CHSY3: variants seen among roughly 807,000 people sequenced by gnomAD.
The protein encoded by CHSY3 is N-acetylgalactosaminyl-proteoglycan 3-beta-glucuronosyltransferase 3.
Under a neutral mutation model 67.2 loss-of-function variants are expected in CHSY3, and 35 were observed. That is an observed-to-expected ratio of 0.52 (90% CI 0.40 to 0.69). The LOEUF is 0.69. Among genes scored for constraint, CHSY3 ranks in the 30% least tolerant of loss-of-function variants. The pLI, the probability that CHSY3 is intolerant of heterozygous loss-of-function variation, is 0.00. For missense variants in CHSY3, 1,069 were observed against 1,138.5 expected, an observed-to-expected ratio of 0.94 and a Z score of 0.88; for synonymous variants, 474 against 434.7, an observed-to-expected ratio of 1.09 and a Z score of -1.12.
chr5:129,932,103 CATATATATATATATATATAT>C (rs33960181), intron 2 of CHSY3, among the ~76,000 whole-genome samples: 47 of 114,890 alleles, frequency 4.1e-4, no homozygotes, highest in African/African-American at 7.2e-4. Flanking sequence ...ACCATAAAAC[CATATATATATATATATATAT>C]ATATATATAT....
chr5:129,919,795 A>G (rs1303592121), intron 2 of CHSY3, among the ~76,000 whole-genome samples: 1 of 152,232 alleles, frequency 6.6e-6, no homozygotes, highest in African/African-American at 2.4e-5. Context: ...GTATAACTAT[A>G]ATAAAACATT....
intron 2 of CHSY3, among the ~76,000 whole-genome samples, chr5:130,099,638 A>G (rs1240880254): frequency 1.3e-5 from 2 of 152,174 alleles, no homozygotes; most frequent in East Asian, 3.9e-4. Flanking sequence ...TCATCTTTTC[A>G]TTTATTTTGC....
intron 2 of CHSY3, among the ~76,000 whole-genome samples, chr5:130,179,139 T>C (rs1367634282): frequency 6.6e-6 from 1 of 152,240 alleles, no homozygotes; most frequent in Non-Finnish European, 1.5e-5. Context: ...GAAATTACTG[T>C]TAAATCTACC....
intron 2 of CHSY3, among the ~76,000 whole-genome samples, chr5:130,063,428 C>T (rs78264454): frequency 4.6e-5 from 7 of 152,164 alleles, no homozygotes; most frequent in Non-Finnish European, 5.9e-5. Flanking sequence ...TCTGATTTTT[C>T]GTTGTTGTGA....
At chr5:130,080,921 T>C (rs1253723638) in intron 2 of CHSY3, among the ~76,000 whole-genome samples, 3 of 152,056 alleles carry the variant, frequency 2.0e-5, no homozygotes, top group Admixed American at 2.0e-4. Flanking sequence ...GAGAAAATTA[T>C]AGAGTGATTA....
At chr5:129,974,557 A>G (rs1240482636) in intron 2 of CHSY3, among the ~76,000 whole-genome samples, 2 of 152,234 alleles carry the variant, frequency 1.3e-5, no homozygotes, top group East Asian at 3.9e-4. Flanking sequence ...AAAAGCCCCT[A>G]TGTACTTATA....
chr5:130,151,710 T>TA (rs1561560654), intron 2 of CHSY3, among the ~76,000 whole-genome samples: 1 of 152,094 alleles, frequency 6.6e-6, no homozygotes, highest in African/African-American at 2.4e-5. Context: ...AAGCCCCTTA[T>TA]AAAACTACCA....
At chr5:130,131,250 A>G (rs1433728882) in intron 2 of CHSY3, among the ~76,000 whole-genome samples, 2 of 151,750 alleles carry the variant, frequency 1.3e-5, no homozygotes, top group Admixed American at 6.6e-5. Context: ...CACTTTTCAC[A>G]CTCAATTTCC....
intron 2 of CHSY3, among the ~76,000 whole-genome samples, chr5:130,074,671 G>T (rs1045489346): frequency 9.2e-5 from 14 of 152,100 alleles, no homozygotes; most frequent in Non-Finnish European, 4.4e-5. Flanking sequence ...TACACAAAAT[G>T]CTCTTGAGAG....
At chr5:130,139,988 C>A (rs1259459552) in intron 2 of CHSY3, 1 of 152,716 alleles carries the variant, frequency 6.5e-6, no homozygotes, top group African/African-American at 2.4e-5. Context: ...TTTTGGGATT[C>A]CTGTGTCTTC....
At chr5:130,070,276 C>T (rs927641332) in intron 2 of CHSY3, among the ~76,000 whole-genome samples, 2 of 152,018 alleles carry the variant, frequency 1.3e-5, no homozygotes, top group Non-Finnish European at 2.9e-5. Context: ...TATTCATTGT[C>T]ATAAAATGTT....
chr5:130,079,429 A>C (rs148960661), intron 2 of CHSY3, among the ~76,000 whole-genome samples: 9 of 152,290 alleles, frequency 5.9e-5, no homozygotes, highest in African/African-American at 2.2e-4. Flanking sequence ...ACATTGGGAT[A>C]AACTTCAGGA....
chr5:129,904,348 G>C (rs964534877), upstream of CHSY3: 1 of 154,964 alleles, frequency 6.5e-6, no homozygotes, highest in African/African-American at 2.4e-5. Flanking sequence ...GGCTGGCAGC[G>C]GTGCCGCCTG....
intron 2 of CHSY3, among the ~76,000 whole-genome samples, chr5:130,029,744 TA>T (rs1204395935): frequency 6.6e-6 from 1 of 152,106 alleles, no homozygotes; most frequent in African/African-American, 2.4e-5. Context: ...TTCAGTAACA[TA>T]ATCTCTTGGT....
At chr5:129,906,917 G>C (rs1437199838) in intron 1 of CHSY3, among the ~76,000 whole-genome samples, 1 of 152,256 alleles carries the variant, frequency 6.6e-6, no homozygotes, top group East Asian at 1.9e-4. Context: ...ATAATAACTA[G>C]AGATTTCTTG....
chr5:130,149,775 T>A lies in CHSY3; in HGVS notation c.1087-34454T>A, dbSNP rs1198608470. On this transcript the variant is annotated intron_variant, in intron 2 of 2. Coordinates refer to ENST00000305031, the MANE Select transcript of CHSY3 (RefSeq NM_175856.5). ...GCTACCTTTCTCAGAACTGGACAGA[T>A]TTGCCACTGTGCATTTGTTGGTTAA... 2.0e-5 allele frequency among the ~76,000 whole-genome samples: 3 copies of A among 149,306 alleles called. No homozygotes were observed. In the South Asian group the frequency reaches 6.5e-4, roughly 32 times the overall value.
intron 2 of CHSY3, among the ~76,000 whole-genome samples, chr5:130,074,022 G>C (rs13169438): frequency 2.6e-5 from 4 of 151,890 alleles, no homozygotes; most frequent in Admixed American, 6.6e-5. Context: ...ATCATATCAC[G>C]TTGGAAGATT....
In CHSY3 at chr5:130,046,651, CG is replaced by C. The variant is rs578230576; in HGVS notation, c.1087-137576del. On this transcript the variant is annotated intron_variant, in intron 2 of 2. Transcript: ENST00000305031. ...TTGTCAATTAGAATGTGCTAATCAT[CG>C]GCATTGGAACAACAGGGAAACTAAA... is the stretch of plus-strand genomic sequence containing the variant. Among the ~76,000 whole-genome samples, 406 of 152,148 alleles carry C rather than the reference CG, an allele frequency of 2.7e-3. 2 individuals are homozygous for C. The highest frequency in any genetic ancestry group is 9.3e-3 in the African/African-American group (387 of 41,534).
chr5:130,133,039 G>A (rs1768532944), intron 2 of CHSY3, among the ~76,000 whole-genome samples: 1 of 152,072 alleles, frequency 6.6e-6, no homozygotes, highest in Non-Finnish European at 1.5e-5. Flanking sequence ...TTATACTATA[G>A]GGGCATAAGA....
Sources: allele counts gnomAD v4.1 joint callset (sites outside exome capture counted in the v4.1 genomes callset), GRCh38; gene constraint gnomAD v4.1.1; transcripts MANE v1.5; gene names NCBI Gene and HGNC (gene_info 2026-07-23, HGNC 2026-07-21).